Variants in RAB11FIP4 observed in about 807,000 individuals in gnomAD.
RAB11FIP4 encodes the protein rab11 family-interacting protein 4.
RAB11FIP4 carries 23 observed loss-of-function variants against 74.3 expected under a neutral mutation model. That is an observed-to-expected ratio of 0.31 (90% CI 0.22 to 0.44). The LOEUF is 0.44. Among genes scored for constraint, RAB11FIP4 ranks in the 20% least tolerant of loss-of-function variants. The pLI is 1.00. For synonymous variants in RAB11FIP4, 360 were observed against 359.9 expected (o/e 1.00, Z 0.00); for missense variants, 630 against 863.9 (o/e 0.73, Z 3.39).
intron 3 of RAB11FIP4, among the ~76,000 whole-genome samples, chr17:31,460,454 C>T (rs187761028): frequency 2.5e-3 from 376 of 152,184 alleles, no homozygotes; most frequent in African/African-American, 8.2e-3. Flanking sequence ...TGGGCATGAC[C>T]CTAATGTACT....
At chr17:31,469,955 A>C (rs2071722136) in intron 3 of RAB11FIP4, among the ~76,000 whole-genome samples, 1 of 152,222 alleles carries the variant, frequency 6.6e-6, no homozygotes, top group Non-Finnish European at 1.5e-5. Flanking sequence ...TACTAAATGA[A>C]GGAGCTGGAA....
intron 4 of RAB11FIP4, among the ~76,000 whole-genome samples, chr17:31,520,094 CAAAA>C (rs10612669): frequency 0.057 from 5,261 of 91,732 alleles, 287 homozygotes; most frequent in East Asian, 0.32. Flanking sequence ...ACTCTGTCTC[CAAAA>C]AAAAAAAAAA....
At chr17:31,511,063 G>A (rs1567684360) in intron 3 of RAB11FIP4, among the ~76,000 whole-genome samples, 1 of 152,096 alleles carries the variant, frequency 6.6e-6, no homozygotes, top group Admixed American at 6.5e-5. Flanking sequence ...AGCACTTTCT[G>A]TGTGTGCTAA....
At chr17:31,505,539 A>AT (rs1341363278) in intron 3 of RAB11FIP4, among the ~76,000 whole-genome samples, 28 of 65,492 alleles carry the variant, frequency 4.3e-4, no homozygotes, top group African/African-American at 1.5e-3. Flanking sequence ...TATAATTATT[A>AT]TATATTATAT....
intron 1 of RAB11FIP4, among the ~76,000 whole-genome samples, chr17:31,404,103 G>C (rs1390287483): frequency 1.3e-5 from 2 of 152,218 alleles, no homozygotes; most frequent in Admixed American, 6.5e-5. Context: ...TTCTCTGACT[G>C]CTCCGATTTC....
intron 3 of RAB11FIP4, among the ~76,000 whole-genome samples, chr17:31,434,492 C>T (rs143601259): frequency 2.6e-5 from 4 of 152,278 alleles, no homozygotes; most frequent in Non-Finnish European, 5.9e-5. Context: ...CAAACAACAA[C>T]GAATTCTCCA....
intron 1 of RAB11FIP4, among the ~76,000 whole-genome samples, chr17:31,430,164 A>G (rs972438222): frequency 1.3e-5 from 2 of 152,124 alleles, no homozygotes; most frequent in Non-Finnish European, 2.9e-5. Flanking sequence ...TGGGGAGGAC[A>G]GCTGTCCAAG....
chr17:31,418,295 G>A (rs1167303640), intron 1 of RAB11FIP4, among the ~76,000 whole-genome samples: 1 of 152,130 alleles, frequency 6.6e-6, no homozygotes, highest in Admixed American at 6.5e-5. Flanking sequence ...GGCTGAGGCA[G>A]CAAAATCGCT....
At chr17:31,454,782 G>A (rs1378031299) in intron 3 of RAB11FIP4, among the ~76,000 whole-genome samples, 5 of 152,154 alleles carry the variant, frequency 3.3e-5, no homozygotes, top group African/African-American at 1.2e-4. Flanking sequence ...TACTCGGGTG[G>A]CTGAGGCAGG....
intron 1 of RAB11FIP4, among the ~76,000 whole-genome samples, chr17:31,401,807 G>A (rs1019019120): frequency 1.3e-5 from 2 of 152,202 alleles, no homozygotes; most frequent in African/African-American, 4.8e-5. Context: ...TTCAGTGCCT[G>A]CATCACTCAG....
chr17:31,469,192 T>C (rs927547498), intron 3 of RAB11FIP4, among the ~76,000 whole-genome samples: 2 of 152,240 alleles, frequency 1.3e-5, no homozygotes, highest in Non-Finnish European at 2.9e-5. Context: ...TCATCTAATA[T>C]GTAGCGTTCA....
At position 31,522,266 on chromosome 17, in the gene RAB11FIP4, C is replaced by G; in HGVS notation, c.894-94C>G. 20 of 1,383,118 alleles carry G rather than the reference C, an allele frequency of 1.4e-5. No individual in the cohort carries two copies. In the South Asian group the frequency reaches 2.4e-4, roughly 17 times the overall value. 85.7% of individuals were successfully genotyped at this position (1,383,118 alleles called of 1,614,324 possible). On this transcript the variant is annotated intron_variant, in intron 6 of 14. Coordinates refer to ENST00000621161, the MANE Select transcript of RAB11FIP4 (RefSeq NM_032932.6). Reference sequence around the variant, plus strand: ...AATTCCTTTCAGTGGGAGGGAAGAGCCTTGTCCTGCACTGTGGTGTCTTAC... The same window carrying G: ...AATTCCTTTCAGTGGGAGGGAAGAGGCTTGTCCTGCACTGTGGTGTCTTAC...
intron 3 of RAB11FIP4, among the ~76,000 whole-genome samples, chr17:31,479,745 G>C (rs564262418): frequency 6.6e-6 from 1 of 152,170 alleles, no homozygotes; most frequent in Non-Finnish European, 1.5e-5. Context: ...GAGGCCAAAA[G>C]TTTGGTACTA....
chr17:31,461,886 G>A (rs1233243273), intron 3 of RAB11FIP4, among the ~76,000 whole-genome samples: 2 of 152,158 alleles, frequency 1.3e-5, no homozygotes, highest in Admixed American at 6.5e-5. Flanking sequence ...ATTCATTCAT[G>A]TGCTCATTAA....
At chr17:31,465,139 G>A (rs1213830516) in intron 3 of RAB11FIP4, among the ~76,000 whole-genome samples, 1 of 152,094 alleles carries the variant, frequency 6.6e-6, no homozygotes, top group Non-Finnish European at 1.5e-5. Flanking sequence ...TGGGGAAACA[G>A]GTTGCACAGA....
chr17:31,531,982 G>A lies in RAB11FIP4; in HGVS notation c.*250G>A, dbSNP rs966713045. ...GTGGCCCCTTTGCAAGGGGCAGAGGGTACTGGAAGTGGGAGGAGGCAAGGT... is the reference window on the plus strand; with the variant it reads ...GTGGCCCCTTTGCAAGGGGCAGAGGATACTGGAAGTGGGAGGAGGCAAGGT... On this transcript the variant is annotated 3_prime_UTR_variant, in exon 15 of 15. Transcript: ENST00000621161. 9.2e-6 allele frequency: 4 copies of A among 433,608 alleles called. No individual in the cohort carries two copies. The highest frequency in any genetic ancestry group is 7.8e-5 in the Admixed American group (2 of 25,478). The allele number at this position is 433,608 out of a possible 1,614,324, so 26.9% of individuals were successfully genotyped here.
intron 3 of RAB11FIP4, among the ~76,000 whole-genome samples, chr17:31,441,734 G>A (rs150710987): frequency 0.019 from 2,834 of 151,846 alleles, 108 homozygotes; most frequent in Admixed American, 0.088. Context: ...CACTATGTTG[G>A]CCAGGCTGGC....
At chr17:31,500,662 G>A (rs1392308553) in intron 3 of RAB11FIP4, among the ~76,000 whole-genome samples, 1 of 152,148 alleles carries the variant, frequency 6.6e-6, no homozygotes, top group Non-Finnish European at 1.5e-5. Context: ...CAATTCTAAC[G>A]TCTCTGAACT....
chr17:31,402,166 C>G (rs960915805), intron 1 of RAB11FIP4, among the ~76,000 whole-genome samples: 8 of 149,814 alleles, frequency 5.3e-5, no homozygotes, highest in Non-Finnish European at 1.0e-4. Flanking sequence ...CTGCCCACTT[C>G]CGTAGCCTCC....
Sources: gnomAD v4.1 joint callset for allele counts (sites outside exome capture counted in the v4.1 genomes callset) on GRCh38, gnomAD v4.1.1 for gene constraint, MANE v1.5 for transcripts, NCBI Gene and HGNC (gene_info 2026-07-23, HGNC 2026-07-21) for gene names.